GNAZ: variants seen among roughly 807,000 people sequenced by gnomAD.
GNAZ encodes G protein subunit alpha z, also known as guanine nucleotide-binding protein G(z) subunit alpha.
Under a neutral mutation model 25.4 loss-of-function variants are expected in GNAZ, and 3 were observed. That is an observed-to-expected ratio of 0.12 (90% CI 0.05 to 0.30). The LOEUF (loss-of-function observed/expected upper bound fraction) is 0.30, where lower values mean the gene tolerates loss of function less well. Ranked by LOEUF, GNAZ falls within the 10% of genes least tolerant of loss-of-function variation. The pLI, the probability that GNAZ is intolerant of heterozygous loss-of-function variation, is 1.00. For missense variants in GNAZ, 241 were observed against 501.8 expected (o/e 0.48, Z 4.97); for synonymous variants, 211 against 205.7 (o/e 1.03, Z -0.22).
In GNAZ at chr22:23,071,694, T is replaced by C. The variant is rs1002588709; in HGVS notation, c.-450+1124T>C. Among the ~76,000 whole-genome samples the C allele has an allele frequency of 6.6e-6, 1 of 152,152 alleles. No homozygotes were observed. The highest frequency in any genetic ancestry group is 2.4e-5 in the African/African-American group (1 of 41,434). On this transcript the variant is annotated intron_variant, in intron 1 of 2. Coordinates refer to ENST00000615612, the MANE Select transcript of GNAZ (RefSeq NM_002073.4). This position sits in a 1 kb window ranked among gnomAD's most constrained non-coding sequence, Gnocchi z 4.1. ...AACGTCTCTACTCGACCAACCCCGC[T>C]TGAGTGCAGGTGCAGGGGCCTCGGG...
At chr22:23,092,229 G>A (rs1188629743) in intron 1 of GNAZ, among the ~76,000 whole-genome samples, 1 of 152,186 alleles carries the variant, frequency 6.6e-6, no homozygotes, top group Non-Finnish European at 1.5e-5. Flanking sequence ...CAGAGAGAGG[G>A]CTGGCTAGAG....
At chr22:23,095,007 CCT>C (rs1402324937) in intron 1 of GNAZ, among the ~76,000 whole-genome samples, 1 of 152,178 alleles carries the variant, frequency 6.6e-6, no homozygotes, top group African/African-American at 2.4e-5. Flanking sequence ...TCGCACACAC[CCT>C]CCTCTCCCTC....
Position 23,071,749 on chromosome 22 carries a change from G to C in GNAZ, c.-450+1179G>C, listed in dbSNP as rs1012643359. Among the ~76,000 whole-genome samples, 5 of 152,184 alleles carry C rather than the reference G, an allele frequency of 3.3e-5. No individual in the cohort carries two copies. ...ACCTCAGAGTGGTGTCCTGGGCTGGGGGGTCAGGTGAGCTCGTGGGCAACA... is the reference window on the plus strand; with the variant it reads ...ACCTCAGAGTGGTGTCCTGGGCTGGCGGGTCAGGTGAGCTCGTGGGCAACA... On this transcript the variant is annotated intron_variant, in intron 1 of 2. Transcript: ENST00000615612. This position sits in a 1 kb window ranked among gnomAD's most constrained non-coding sequence, Gnocchi z 4.1.
rs761943894 is a variant in GNAZ at position 23,095,940 on chromosome 22, C to A, written c.245C>A (p.Thr82Asn). Residue 82 changes from threonine to asparagine, a missense_variant, in exon 2 of 3, where the codon ACC becomes AAC. Transcript: ENST00000615612. Reference sequence around the variant, plus strand: ...ATCTACAATGCCATCGACTCGCTGACCCGCATCATCCGGGCCCTGGCCGCC... The same window carrying A: ...ATCTACAATGCCATCGACTCGCTGAACCGCATCATCCGGGCCCTGGCCGCC... ...LIIYNAIDSL[T>N]RIIRALAALR... The A allele has an allele frequency of 2.5e-6, 4 of 1,612,922 alleles. No homozygotes were observed. The highest frequency in any genetic ancestry group is 3.4e-6 in the Non-Finnish European group (4 of 1,180,048).
At position 23,079,197 on chromosome 22, in the gene GNAZ, A is replaced by G. The variant is rs372556704; in HGVS notation, c.-450+8627A>G. Among the ~76,000 whole-genome samples the G allele has an allele frequency of 4.1e-4, 62 of 152,308 alleles. 2 individuals carry two copies. In the South Asian group the frequency reaches 0.012, roughly 29 times the overall value. ...AAATTATACAGTGTGCTAGAAAGGG[A>G]CCATGCTTGGGGCAAGGCAGCACAC... On this transcript the variant is annotated intron_variant, in intron 1 of 2. Transcript: ENST00000615612.
rs564999139 is a variant in GNAZ at position 23,098,384 on chromosome 22, C to G, written c.723+1966C>G. ...TGATGTGTGAGTGAGCTCCTCGGGG[C>G]AGGCCCTAGATGGGCTGGGTGGCCC... On this transcript the variant is annotated intron_variant, in intron 2 of 2. Transcript: ENST00000615612. Among the ~76,000 whole-genome samples, 270 of 152,366 alleles carry G rather than the reference C, an allele frequency of 1.8e-3. 1 individual carries two copies. The highest frequency in any genetic ancestry group is 4.9e-3 in the African/African-American group (202 of 41,594).
chr22:23,110,944 G>A (rs912742262), intron 2 of GNAZ, among the ~76,000 whole-genome samples: 4 of 152,206 alleles, frequency 2.6e-5, no homozygotes, highest in Non-Finnish European at 5.9e-5. Flanking sequence ...CTGTCCTCTT[G>A]TCCACTTGGG....
At chr22:23,078,318 G>A (rs781244615) in intron 1 of GNAZ, among the ~76,000 whole-genome samples, 1 of 152,174 alleles carries the variant, frequency 6.6e-6, no homozygotes, top group Non-Finnish European at 1.5e-5. Flanking sequence ...TAAACACTGG[G>A]CCAGTGCCAG....
chr22:23,111,309 G>A (rs564376256), intron 2 of GNAZ, among the ~76,000 whole-genome samples: 7 of 152,348 alleles, frequency 4.6e-5, no homozygotes, highest in East Asian at 3.9e-4. Flanking sequence ...GCTCTGTACC[G>A]AGCAGGGGGT....
intron 1 of GNAZ, among the ~76,000 whole-genome samples, chr22:23,077,020 G>A (rs1014006757): frequency 2.0e-5 from 3 of 152,142 alleles, no homozygotes; most frequent in Admixed American, 6.5e-5. Flanking sequence ...TGGAGTGACC[G>A]TCCAAAGCAT....
At chr22:23,093,182 T>G (rs549189566) in intron 1 of GNAZ, among the ~76,000 whole-genome samples, 1 of 152,326 alleles carries the variant, frequency 6.6e-6, no homozygotes, top group South Asian at 2.1e-4. Context: ...ATCTCAAGGC[T>G]TCCATTCTCA....
chr22:23,104,941 G>T (rs1232031990), intron 2 of GNAZ, among the ~76,000 whole-genome samples: 1 of 152,230 alleles, frequency 6.6e-6, no homozygotes, highest in Non-Finnish European at 1.5e-5. Context: ...CAGAGTGAAA[G>T]GTGTTTCTTC....
At chr22:23,091,848 G>A (rs1408659745) in intron 1 of GNAZ, among the ~76,000 whole-genome samples, 1 of 152,142 alleles carries the variant, frequency 6.6e-6, no homozygotes, top group African/African-American at 2.4e-5. Flanking sequence ...CCTTCCTCTT[G>A]CCTGGTACCT....
chr22:23,093,382 A>C (rs2069041570), intron 1 of GNAZ, among the ~76,000 whole-genome samples: 1 of 152,156 alleles, frequency 6.6e-6, no homozygotes, highest in African/African-American at 2.4e-5. Flanking sequence ...GTGCTTACTG[A>C]ACACCCACTG....
rs905844179 is a variant in GNAZ, at chr22:23,123,772, T to C, written c.*341T>C. ...CCTTCCTGAGTTGGCCCCACTCCAC[T>C]TGGGGGTCTGCATTGGATTGTTAGG... On this transcript the variant is annotated 3_prime_UTR_variant, in exon 3 of 3. Transcript: ENST00000615612. 4 of 303,966 alleles carry C rather than the reference T, an allele frequency of 1.3e-5. No individual in the cohort carries two copies. Among genetic ancestry groups the C allele is most frequent in the Admixed American group, 4.5e-5 (1 of 22,014 alleles). The allele number at this position is 303,966 out of a possible 1,614,324, so 18.8% of individuals were successfully genotyped here.
At chr22:23,073,933 G>A (rs1160319282) in intron 1 of GNAZ, among the ~76,000 whole-genome samples, 1 of 151,858 alleles carries the variant, frequency 6.6e-6, no homozygotes, top group Non-Finnish European at 1.5e-5. Flanking sequence ...ACGAGATGGG[G>A]GTGGGGGACT....
rs546818335 is a variant in GNAZ at position 23,100,185 on chromosome 22, G to A, written c.723+3767G>A. Among the ~76,000 whole-genome samples the A allele has an allele frequency of 2.0e-5, 3 of 152,344 alleles. No individual in the cohort carries two copies. The South Asian group carries it at 6.2e-4, about 32-fold the overall frequency. ...AACTCTCCCAGCAGCACAGGGAACTGGGGGACAAGGAGGAGGCAGTCACAC... is the reference window on the plus strand; with the variant it reads ...AACTCTCCCAGCAGCACAGGGAACTAGGGGACAAGGAGGAGGCAGTCACAC... On this transcript the variant is annotated intron_variant, in intron 2 of 2. Coordinates refer to ENST00000615612, the MANE Select transcript of GNAZ (RefSeq NM_002073.4).
In GNAZ at chr22:23,123,492, C is replaced by A; in HGVS notation, c.*61C>A. 8.8e-7 allele frequency: 1 copy of A among 1,130,692 alleles called. No individual in the cohort carries two copies. Among genetic ancestry groups the A allele is most frequent in the Non-Finnish European group, 1.3e-6 (1 of 776,834 alleles). The allele number at this position is 1,130,692 out of a possible 1,614,324, so 70.0% of individuals were successfully genotyped here. A position where few individuals can be genotyped will look rare whatever the true frequency, so the allele number is the denominator to read the frequency against. On this transcript the variant is annotated 3_prime_UTR_variant, in exon 3 of 3. Transcript: ENST00000615612. ...ACCCACGGGGTGTCATGCCCCAACG[C>A]GTGCTAGAGAGGCCCAATCCAGGGG...
At position 23,095,556 on chromosome 22, in the gene GNAZ, G is replaced by T; in HGVS notation, c.-140G>T. The T allele has an allele frequency of 1.1e-6, 1 of 902,426 alleles. No individual in the cohort carries two copies. The highest frequency in any genetic ancestry group is 2.6e-5 in the East Asian group (1 of 37,858). The allele number at this position is 902,426 out of a possible 1,614,324, so 55.9% of individuals were successfully genotyped here. A position where few individuals can be genotyped will look rare whatever the true frequency, so the allele number is the denominator to read the frequency against. On this transcript the variant is annotated 5_prime_UTR_variant, in exon 2 of 3. Coordinates refer to ENST00000615612, the MANE Select transcript of GNAZ (RefSeq NM_002073.4). ...GGCGCTGGGGCAGGGGCTGCAGTGTGGCTCGGCCTCACCCCCCTGCTGGCA... is the reference window on the plus strand; with the variant it reads ...GGCGCTGGGGCAGGGGCTGCAGTGTTGCTCGGCCTCACCCCCCTGCTGGCA...
Sources: allele counts gnomAD v4.1 joint callset (sites outside exome capture counted in the v4.1 genomes callset), GRCh38; gene constraint gnomAD v4.1.1; non-coding constraint Gnocchi (gnomAD v3.1); transcripts MANE v1.5; gene names NCBI Gene and HGNC (gene_info 2026-07-23, HGNC 2026-07-21).